MEIKIN: variants seen among roughly 807,000 people sequenced by gnomAD.
MEIKIN encodes meiosis-specific kinetochore protein.
At chr5:131,892,534 C>T (rs1007486183) in intron 8 of MEIKIN, among the ~76,000 whole-genome samples, 15 of 152,166 alleles carry the variant, frequency 9.9e-5, no homozygotes, top group Non-Finnish European at 1.3e-4. Flanking sequence ...GCATTCGTCA[C>T]GTAGTTCTTG....
At chr5:131,819,686 G>C (rs1749451535) in intron 11 of MEIKIN, among the ~76,000 whole-genome samples, 1 of 140,672 alleles carries the variant, frequency 7.1e-6, no homozygotes, top group Admixed American at 7.3e-5. Flanking sequence ...AGCAACCTCT[G>C]CCTCCCACGT....
At chr5:131,894,593 T>C (rs1751000556) in intron 8 of MEIKIN, among the ~76,000 whole-genome samples, 1 of 152,164 alleles carries the variant, frequency 6.6e-6, no homozygotes, top group Non-Finnish European at 1.5e-5. Flanking sequence ...GGTTTGTAGT[T>C]CTCCTTGAAG....
intron 12 of MEIKIN, among the ~76,000 whole-genome samples, chr5:131,811,238 T>C (rs1772946537): frequency 6.6e-6 from 1 of 152,222 alleles, no homozygotes; most frequent in African/African-American, 2.4e-5. Context: ...ATTTGTTGCA[T>C]ACTTAAGTCC....
intron 11 of MEIKIN, among the ~76,000 whole-genome samples, chr5:131,821,630 CT>C (rs375765946): frequency 0.013 from 674 of 50,418 alleles, 1 homozygote; most frequent in African/African-American, 0.053. Context: ...TGAGGTCTGC[CT>C]TTTTTTTTTT....
intron 8 of MEIKIN, among the ~76,000 whole-genome samples, chr5:131,889,968 A>C (rs1346712156): frequency 6.6e-6 from 1 of 152,194 alleles, no homozygotes; most frequent in African/African-American, 2.4e-5. Flanking sequence ...TATTGAGATC[A>C]TCATGTGGTT....
intron 8 of MEIKIN, among the ~76,000 whole-genome samples, chr5:131,908,853 C>T (rs1751287590): frequency 6.6e-6 from 1 of 152,040 alleles, no homozygotes; most frequent in African/African-American, 2.4e-5. Flanking sequence ...ACTAAAATAT[C>T]TGGGACTTAA....
intron 8 of MEIKIN, among the ~76,000 whole-genome samples, chr5:131,908,949 T>C (rs2149642393): frequency 6.6e-6 from 1 of 152,276 alleles, no homozygotes; most frequent in Middle Eastern, 3.4e-3. Flanking sequence ...TGGAAAGATA[T>C]TCCATGTTCA....
chr5:131,899,374 TAGAGTA>T (rs1188443474), intron 8 of MEIKIN, among the ~76,000 whole-genome samples: 1 of 151,588 alleles, frequency 6.6e-6, no homozygotes, highest in Non-Finnish European at 1.5e-5. Flanking sequence ...ACTATACCAC[TAGAGTA>T]AATCACCTTC....
chr5:131,869,190 G>A (rs1002041381), intron 9 of MEIKIN, among the ~76,000 whole-genome samples: 2 of 152,152 alleles, frequency 1.3e-5, no homozygotes, highest in African/African-American at 2.4e-5. Flanking sequence ...TCATGTTTTT[G>A]CATTTGGGGG....
chr5:131,831,700 A>G (rs1212762907), intron 11 of MEIKIN, among the ~76,000 whole-genome samples: 1 of 152,180 alleles, frequency 6.6e-6, no homozygotes, highest in Non-Finnish European at 1.5e-5. Context: ...CGAGACTGGG[A>G]AGAAAAACAG....
intron 5 of MEIKIN, among the ~76,000 whole-genome samples, chr5:131,930,504 T>G (rs570753531): frequency 9.2e-5 from 14 of 152,378 alleles, no homozygotes; most frequent in Non-Finnish European, 1.8e-4. Flanking sequence ...AGGTCCCATT[T>G]GTCAATTTTT....
chr5:131,820,052 G>A (rs1166999372), intron 11 of MEIKIN, among the ~76,000 whole-genome samples: 1 of 144,280 alleles, frequency 6.9e-6, no homozygotes, highest in Non-Finnish European at 1.5e-5. Flanking sequence ...TGGGATTACA[G>A]GCGTGAGCCA....
At chr5:131,911,241 T>C (rs1010540073) in intron 8 of MEIKIN, among the ~76,000 whole-genome samples, 1 of 152,056 alleles carries the variant, frequency 6.6e-6, no homozygotes, top group Non-Finnish European at 1.5e-5. Context: ...ATTATGCAAA[T>C]ATATATACAT....
intron 12 of MEIKIN, among the ~76,000 whole-genome samples, chr5:131,815,161 C>T (rs967209131): frequency 5.9e-5 from 9 of 152,024 alleles, no homozygotes; most frequent in Admixed American, 1.3e-4. Flanking sequence ...AAGGAACTCA[C>T]GTCACAGCAA....
intron 5 of MEIKIN, among the ~76,000 whole-genome samples, chr5:131,932,794 T>G (rs2149652407): frequency 6.6e-6 from 1 of 152,290 alleles, no homozygotes; most frequent in South Asian, 2.1e-4. Context: ...AACCACATCT[T>G]TCATGTTTTT....
chr5:131,828,394 C>G (rs2149605758), intron 11 of MEIKIN, among the ~76,000 whole-genome samples: 1 of 152,232 alleles, frequency 6.6e-6, no homozygotes, highest in Middle Eastern at 3.4e-3. Flanking sequence ...AACTCCTGAG[C>G]TCAAGCGATT....
intron 11 of MEIKIN, among the ~76,000 whole-genome samples, chr5:131,829,822 GT>G (rs1749682317): frequency 1.3e-5 from 2 of 152,130 alleles, no homozygotes; most frequent in South Asian, 4.2e-4. Context: ...AAATGCCTGA[GT>G]TTAACAGAAG....
At chr5:131,891,545 C>A (rs1179763145) in intron 8 of MEIKIN, among the ~76,000 whole-genome samples, 3 of 152,150 alleles carry the variant, frequency 2.0e-5, no homozygotes, top group Admixed American at 6.6e-5. Context: ...GCAACCCCTG[C>A]CTTTTTTTGT....
At chr5:131,920,330 A>G (rs986468001) in intron 6 of MEIKIN, among the ~76,000 whole-genome samples, 2 of 152,234 alleles carry the variant, frequency 1.3e-5, no homozygotes, top group Non-Finnish European at 2.9e-5. Flanking sequence ...TAATAAAAGT[A>G]GCAGGAAAGA....
Sources: allele counts gnomAD v4.1 joint callset (sites outside exome capture counted in the v4.1 genomes callset), GRCh38; gene constraint gnomAD v4.1.1; transcripts MANE v1.5; gene names NCBI Gene and HGNC (gene_info 2026-07-23, HGNC 2026-07-21).